PFKP: variants seen among roughly 807,000 people sequenced by gnomAD.
The protein encoded by PFKP is phosphofructokinase, platelet.
Under a neutral mutation model 94.3 loss-of-function variants are expected in PFKP, and 101 were observed. The ratio of observed to expected loss-of-function variants is 1.07; its 90% CI spans 0.91 to 1.26. The LOEUF (loss-of-function observed/expected upper bound fraction) is 1.26, where lower values mean the gene tolerates loss of function less well. PFKP is among the 50% of genes most tolerant of loss of function. PFKP has a pLI of 0.00. For missense variants in PFKP, 1,145 were observed against 1,103.3 expected, an observed-to-expected ratio of 1.04 and a Z score of -0.53; for synonymous variants, 573 against 432.6, an observed-to-expected ratio of 1.32 and a Z score of -4.03.
chr10:3,132,615 C>T (rs879484344), intron 18 of PFKP, among the ~76,000 whole-genome samples, 174 bp downstream of exon 18: 1 of 140,444 alleles, frequency 7.1e-6, no homozygotes, highest in Non-Finnish European at 1.6e-5. Context: ...GGCTTGCCTG[C>T]ATTTAGACAA....
intron 19 of PFKP, among the ~76,000 whole-genome samples, 191 bp from the exon 20 acceptor site, chr10:3,134,292 C>G (rs539699219): frequency 1.3e-5 from 2 of 152,158 alleles, no homozygotes; most frequent in Non-Finnish European, 2.9e-5. Flanking sequence ...TCTTACTGAG[C>G]GGGGGGAACA....
At chr10:3,101,862 C>A (rs1400296337) in intron 4 of PFKP, among the ~76,000 whole-genome samples, 2 of 152,204 alleles carry the variant, frequency 1.3e-5, no homozygotes, top group Non-Finnish European at 2.9e-5. Flanking sequence ...AACGGCCACT[C>A]AGCCGTGGGG....
Position 3,113,162 on chromosome 10 carries a change from A to T in PFKP, c.1198A>T (p.Lys400Ter), listed in dbSNP as rs749844616. Reference sequence around the variant, plus strand: ...GAACACCTACAAGCGACTTGCCATCAAGCTGCCGGATGATCAGATCCCAAA... The same window carrying T: ...GAACACCTACAAGCGACTTGCCATCTAGCTGCCGGATGATCAGATCCCAAA... ...NLNTYKRLAI[K>*]LPDDQIPKTN... is the part of the protein sequence containing the mutation. Residue 400 changes from lysine to a stop codon, truncating the protein, a stop_gained, in exon 12 of 22, where the codon AAG becomes TAG. Transcript: ENST00000381125. LOFTEE classifies it high-confidence loss of function. 1.2e-6 allele frequency: 2 copies of T among 1,612,800 alleles called. No individual in the cohort carries two copies. Among genetic ancestry groups the T allele is most frequent in the South Asian group, 2.2e-5 (2 of 90,834 alleles).
Position 3,100,058 on chromosome 10 carries a change from T to G in PFKP, c.264+706T>G, listed in dbSNP as rs544185906. 2.5e-3 allele frequency among the ~76,000 whole-genome samples: 280 copies of G among 112,288 alleles called. 3 individuals are homozygous for G. Among genetic ancestry groups the G allele is most frequent in the African/African-American group, 0.014 (255 of 18,170 alleles). 73.7% of individuals were successfully genotyped at this position (112,288 alleles called of 152,430 possible). A position where few individuals can be genotyped will look rare whatever the true frequency, so the allele number is the denominator to read the frequency against. On this transcript the variant is annotated intron_variant, in intron 3 of 21. Coordinates refer to ENST00000381125, the MANE Select transcript of PFKP (RefSeq NM_002627.5). ...TGTCCTTGTATGTGTAGGTGTGTGG[T>G]GTGTGTGTGTGTGTGTGTGTGTGTG...
intron 1 of PFKP, chr10:3,069,490 G>A (rs1832022712): frequency 3.7e-6 from 4 of 1,073,590 alleles, no homozygotes; most frequent in African/African-American, 1.6e-5. Context: ...CCTTACCTGG[G>A]CCGCGAAAGA....
intron 16 of PFKP, among the ~76,000 whole-genome samples, chr10:3,121,803 CTTTTTTTTT>C (rs759926178): frequency 2.5e-4 from 8 of 32,628 alleles, no homozygotes; most frequent in African/African-American, 6.3e-4. Flanking sequence ...CTTTTTTTTT[CTTTTTTTTT>C]TTTTTTTTTT....
chr10:3,067,791 G>A, intron 1 of PFKP, 84 bp downstream of exon 1: 1 of 552,964 alleles, frequency 1.8e-6, no homozygotes, highest in South Asian at 2.8e-5. Context: ...GGTGACCGGA[G>A]AGAAGAGGGG....
rs750332212 is a variant in PFKP, at chr10:3,116,784, A to C, written c.1380A>C (p.Glu460Asp). 1.9e-6 allele frequency: 3 copies of C among 1,613,588 alleles called. No homozygotes were observed. The highest frequency in any genetic ancestry group is 3.3e-4 in the Middle Eastern group (2 of 6,062). ...CTGTGTTTGCACATTAGATCAAAGA[A>C]ATCGGCTGGACAGATGTCGGGGGCT... ...FDGFAKGQIKEIGWTDVGGWT... is the reference protein window; with the variant it reads ...FDGFAKGQIKDIGWTDVGGWT... Residue 460 changes from glutamate to aspartate, a missense_variant, in exon 14 of 22, where the codon GAA becomes GAC. Physicochemically the swap from Glu to Asp is conservative, Grantham distance 45 (BLOSUM62 2). Transcript: ENST00000381125.
chr10:3,116,546 C>T (rs1047491862), intron 13 of PFKP, among the ~76,000 whole-genome samples: 4 of 152,254 alleles, frequency 2.6e-5, no homozygotes, highest in Non-Finnish European at 5.9e-5. Flanking sequence ...ACAGAGGCCC[C>T]GACAGGCAGG....
chr10:3,121,088 C>T (rs1837351164), intron 16 of PFKP, among the ~76,000 whole-genome samples: 1 of 152,172 alleles, frequency 6.6e-6, no homozygotes, highest in Admixed American at 6.5e-5. Flanking sequence ...TAACATACAG[C>T]TCATATGGTA....
Position 3,112,244 on chromosome 10 carries a change from T to A in PFKP, c.1112T>A (p.Met371Lys). ...VQMTQDVQKA[M>K]DERRFQDAVR... ...AAGACTCAGGATGTGCAGAAGGCGA[T>A]GGACGAGAGGAGATTTCAAGATGCG... The change falls in exon 11 of 22, where the codon ATG becomes AAG. Residue 371 changes from methionine to lysine, a missense_variant. By Grantham distance (95) the Met-to-Lys change is moderately conservative. This residue lies in a region of PFKP where 1,119 missense variants were observed against 1,062.8 expected (regional missense o/e 1.05). Transcript: ENST00000381125. 1 of 1,613,886 alleles carries A rather than the reference T, an allele frequency of 6.2e-7. No homozygotes were observed.
chr10:3,071,758 A>G (rs1832217393), intron 1 of PFKP, among the ~76,000 whole-genome samples: 1 of 152,214 alleles, frequency 6.6e-6, no homozygotes, highest in African/African-American at 2.4e-5. Context: ...GGTGAATATC[A>G]ATACAGTATT....
chr10:3,124,437 C>T (rs946488591), intron 16 of PFKP, among the ~76,000 whole-genome samples: 6 of 152,188 alleles, frequency 3.9e-5, no homozygotes, highest in African/African-American at 9.7e-5. Context: ...GATACCGGAG[C>T]GCATTTCCCA....
At chr10:3,094,111 C>T (rs1834293776) in intron 2 of PFKP, among the ~76,000 whole-genome samples, 1 of 152,198 alleles carries the variant, frequency 6.6e-6, no homozygotes, top group Non-Finnish European at 1.5e-5. Flanking sequence ...CCCTTCACCA[C>T]CACCTCCCCA....
intron 1 of PFKP, among the ~76,000 whole-genome samples, chr10:3,077,261 C>CTTTTCTTTTT (rs1832678032): frequency 1.2e-5 from 1 of 84,238 alleles, no homozygotes; most frequent in Non-Finnish European, 2.1e-5. Flanking sequence ...TTTTTTTTTT[C>CTTTTCTTTTT]TTTTTTTTTT....
Position 3,135,756 on chromosome 10 carries a change from G to A in PFKP, c.2143G>A (p.Asp715Asn), listed in dbSNP as rs1383790806. ...TATAGGAAAAAAATTTACCACCGAT[G>A]ATTCCATTTGTGTGCTGGGAATAAG... ...RGRGKKFTTDDSICVLGISKR... is the reference protein window; with the variant it reads ...RGRGKKFTTDNSICVLGISKR... The change falls in exon 21 of 22, where the codon GAT becomes AAT. Residue 715 changes from aspartate (D) to asparagine (N), a missense_variant. Asp to Asn is a conservative substitution (Grantham distance 23). Transcript: ENST00000381125. The A allele has an allele frequency of 9.3e-6, 15 of 1,611,600 alleles. No individual in the cohort carries two copies. The highest frequency in any genetic ancestry group is 1.3e-5 in the African/African-American group (1 of 74,842).
In PFKP at chr10:3,113,176, T is replaced by C; in HGVS notation, c.1212T>C (p.Asp404=). Residue 404 remains aspartate (D), a synonymous_variant, in exon 12 of 22, where the codon GAT becomes GAC. Transcript: ENST00000381125. ...GACTTGCCATCAAGCTGCCGGATGA[T>C]CAGATCCCAAAGGTAGGTGGCCGGC... The part of the protein sequence containing the change: ...YKRLAIKLPD[D]QIPKTNCNVA... 1 of 1,612,350 alleles carries C rather than the reference T, an allele frequency of 6.2e-7. No individual in the cohort carries two copies. Among genetic ancestry groups the C allele is most frequent in the Non-Finnish European group, 8.5e-7 (1 of 1,179,302 alleles).
chr10:3,097,553 C>T (rs1196974930), intron 2 of PFKP, among the ~76,000 whole-genome samples: 1 of 152,054 alleles, frequency 6.6e-6, no homozygotes, highest in African/African-American at 2.4e-5. Context: ...TGGGCAGTCC[C>T]TGTACCAGCC....
At chr10:3,114,541 G>A (rs569206410) in intron 13 of PFKP, among the ~76,000 whole-genome samples, 2 of 152,372 alleles carry the variant, frequency 1.3e-5, no homozygotes, top group South Asian at 4.1e-4. Flanking sequence ...GTTTATAGAT[G>A]GGGAGAGAGG....
Sources: gnomAD v4.1 joint callset for allele counts (sites outside exome capture counted in the v4.1 genomes callset) on GRCh38, gnomAD v4.1.1 for gene constraint, gnomAD v4.1.1 regional missense constraint, MANE v1.5 for transcripts, NCBI Gene and HGNC (gene_info 2026-07-23, HGNC 2026-07-21) for gene names.